The following NFKBIZ variants were observed in gnomAD, a reference collection of about 807,000 sequenced individuals.
NFKBIZ encodes the protein NF-kappa-B inhibitor zeta.
NFKBIZ carries 19 observed loss-of-function variants against 76.8 expected under a neutral mutation model. The ratio of observed to expected loss-of-function variants is 0.25; its 90% CI spans 0.17 to 0.36. The LOEUF (loss-of-function observed/expected upper bound fraction) is 0.36, where lower values mean the gene tolerates loss of function less well. Ranked by LOEUF, NFKBIZ falls within the 10% of genes least tolerant of loss-of-function variation. The probability of loss-of-function intolerance (pLI) is 1.00; values close to 1 mark genes in which losing one functional copy is unlikely to be tolerated. For synonymous variants in NFKBIZ, 368 were observed against 354.8 expected (o/e 1.04, Z -0.42); for missense variants, 829 against 910.9 (o/e 0.91, Z 1.16).
upstream of NFKBIZ, among the ~76,000 whole-genome samples, chr3:101,847,530 C>G (rs1228887580): frequency 6.6e-6 from 1 of 152,180 alleles, no homozygotes; most frequent in African/African-American, 2.4e-5. Flanking sequence ...AATGCACTTG[C>G]ACAAACCTAG....
At chr3:101,858,413 C>T (rs1576820324) in intron 11 of NFKBIZ, 2 of 985,002 alleles carry the variant, frequency 2.0e-6, no homozygotes, top group Non-Finnish European at 1.2e-6. Flanking sequence ...TTCCAAGGAC[C>T]AGAACCATCA....
chr3:101,853,654 G>A lies in NFKBIZ; in HGVS notation c.1128G>A (p.Met376Ile), dbSNP rs750183467. The change falls in exon 5 of 12, where the codon ATG (methionine) becomes ATA (isoleucine). Residue 376 changes from methionine to isoleucine, a missense_variant. Physicochemically the swap from Met to Ile is conservative, Grantham distance 10. This residue lies in a region of NFKBIZ where 371 missense variants were observed against 332.3 expected (regional missense o/e 1.12). Coordinates refer to ENST00000326172, the MANE Select transcript of NFKBIZ (RefSeq NM_031419.4). ...QNDAHLHSFS[M>I]MPSSACEAMV... ...ATGCTCACTTGCACAGCTTCAGCAT[G>A]ATGCCCAGCAGCGCCTGTGAGGCCA... The A allele has an allele frequency of 6.2e-7, 1 of 1,614,252 alleles. No homozygotes were observed. The highest frequency in any genetic ancestry group is 2.2e-5 in the East Asian group (1 of 44,890).
chr3:101,852,102 G>A lies in NFKBIZ; in HGVS notation c.307G>A (p.Val103Ile), dbSNP rs754907358. 2 of 1,614,206 alleles carry A rather than the reference G, an allele frequency of 1.2e-6. No individual in the cohort carries two copies. The highest frequency in any genetic ancestry group is 1.7e-5 in the Admixed American group (1 of 60,022). The change falls in exon 2 of 12, where the codon GTT becomes ATT. Residue 103 changes from valine (V) to isoleucine (I), a missense_variant. Val to Ile is a conservative substitution (Grantham distance 29, BLOSUM62 3). Coordinates refer to ENST00000326172, the MANE Select transcript of NFKBIZ (RefSeq NM_031419.4). ...TTGAACAGTTGAGCCCCATATGGGG[G>A]TTGGCAGGCAGCAGAGAGGCCCCTT... is the stretch of plus-strand genomic sequence containing the variant. ...ERQPVEPHMGVGRQQRGPFQG... is the reference protein window; with the variant it reads ...ERQPVEPHMGIGRQQRGPFQG...
intron 2 of NFKBIZ, among the ~76,000 whole-genome samples, chr3:101,840,294 G>T (rs114712026): frequency 1.3e-5 from 2 of 152,136 alleles, no homozygotes; most frequent in South Asian, 2.1e-4. Flanking sequence ...TCTATAGTGG[G>T]TAAAGTTCAT....
chr3:101,843,298 C>A (rs1423002267), intron 2 of NFKBIZ, among the ~76,000 whole-genome samples: 1 of 151,912 alleles, frequency 6.6e-6, no homozygotes, highest in East Asian at 1.9e-4. Flanking sequence ...AAAAAATTAG[C>A]CAGGCCTGGT....
intron 2 of NFKBIZ, among the ~76,000 whole-genome samples, chr3:101,830,127 C>T (rs1560080998): frequency 6.6e-6 from 1 of 152,072 alleles, no homozygotes; most frequent in Non-Finnish European, 1.5e-5. Context: ...CTTTCTGTTC[C>T]TTTAATTTGG....
chr3:101,831,803 A>G (rs1942651721), intron 2 of NFKBIZ, among the ~76,000 whole-genome samples: 1 of 151,662 alleles, frequency 6.6e-6, no homozygotes, highest in South Asian at 2.1e-4. Context: ...ACCACGCCCA[A>G]CTAATTTTTG....
chr3:101,847,022 T>G (rs1290448775), upstream of NFKBIZ, among the ~76,000 whole-genome samples: 1 of 152,256 alleles, frequency 6.6e-6, no homozygotes, highest in Non-Finnish European at 1.5e-5. Flanking sequence ...AGGATGGATG[T>G]CCCAGCTCAA....
chr3:101,848,936 A>C (rs1282571776), upstream of NFKBIZ: 1 of 152,252 alleles, frequency 6.6e-6, no homozygotes. Flanking sequence ...ATGTTTGAGA[A>C]GGGAGGCTAC....
At chr3:101,848,217 A>T (rs1942882043), upstream of NFKBIZ, among the ~76,000 whole-genome samples, 1 of 152,232 alleles carries the variant, frequency 6.6e-6, no homozygotes, top group African/African-American at 2.4e-5. Context: ...ATTAAATAAA[A>T]TTCCAGTGTC....
At chr3:101,835,535 CGAGGCCTCTCTCCT>C in intron 2 of NFKBIZ, among the ~76,000 whole-genome samples, 1 of 152,268 alleles carries the variant, frequency 6.6e-6, no homozygotes, top group East Asian at 1.9e-4. Flanking sequence ...TTGGTTTCTC[CGAGGCCTCTCTCCT>C]GACTTGTACA....
At chr3:101,843,985 A>G (rs1034287465) in intron 2 of NFKBIZ, among the ~76,000 whole-genome samples, 7 of 152,254 alleles carry the variant, frequency 4.6e-5, no homozygotes, top group African/African-American at 1.7e-4. Flanking sequence ...ATTATTGGCA[A>G]CAAATACTGT....
chr3:101,832,262 T>C (rs1188915369), intron 2 of NFKBIZ, among the ~76,000 whole-genome samples: 2 of 152,140 alleles, frequency 1.3e-5, no homozygotes. Context: ...GAAAGCTTTA[T>C]TGATTATATC....
chr3:101,847,671 A>G (rs1481735018), upstream of NFKBIZ, among the ~76,000 whole-genome samples: 1 of 152,232 alleles, frequency 6.6e-6, no homozygotes, highest in Admixed American at 6.5e-5. Flanking sequence ...CTATCTAAAC[A>G]TATGGAAACA....
intron 2 of NFKBIZ, among the ~76,000 whole-genome samples, chr3:101,837,478 T>G (rs764106188): frequency 4.9e-4 from 59 of 120,358 alleles, no homozygotes; most frequent in Non-Finnish European, 7.3e-4. Context: ...AGCAACAGAG[T>G]GAGATCCTGT....
At position 101,829,879 on chromosome 3, in the gene NFKBIZ, T is replaced by TTG. The variant is rs71132601; in HGVS notation, c.-12+212_-12+213dup. On this transcript the variant is annotated intron_variant, in intron 2 of 12. Coordinates refer to the NFKBIZ transcript ENST00000394054. ...GTGATTTCATGAGAACTAAGATTTT[T>TTG]TGTGTGTGTGTGTGTGTGTGTGGTT... Among the ~76,000 whole-genome samples the TTG allele has an allele frequency of 9.7e-3, 1,459 of 150,376 alleles. 43 individuals are homozygous for TTG. Among genetic ancestry groups the TTG allele is most frequent in the South Asian group, 0.093 (442 of 4,778 alleles).
chr3:101,835,999 C>T (rs148416311), intron 2 of NFKBIZ, among the ~76,000 whole-genome samples: 187 of 152,150 alleles, frequency 1.2e-3, no homozygotes, highest in African/African-American at 4.0e-3. Context: ...GGGACCATTT[C>T]GGAGAGGGAA....
At chr3:101,850,050 A>G (rs1942926440) in intron 1 of NFKBIZ, 133 bp downstream of exon 1, 1 of 902,708 alleles carries the variant, frequency 1.1e-6, no homozygotes, top group East Asian at 3.4e-5. Flanking sequence ...GCCATCAATT[A>G]CCACTCCCCG....
chr3:101,852,090 C>G lies in NFKBIZ; in HGVS notation c.295C>G (p.Pro99Ala). Residue 99 changes from proline to alanine, a missense_variant, in exon 2 of 12, where the codon CCC becomes GCC. Around this residue, in one of 4 missense-constraint regions of NFKBIZ, gnomAD observed 181 missense variants for 175.3 expected, o/e 1.03. Coordinates refer to ENST00000326172, the MANE Select transcript of NFKBIZ (RefSeq NM_031419.4). ...TTTTGTTTTCTTTTGAACAGTTGAG[C>G]CCCATATGGGGGTTGGCAGGCAGCA... ...GARAERQPVE[P>A]HMGVGRQQRG... 6.2e-7 allele frequency: 1 copy of G among 1,613,464 alleles called. No individual in the cohort carries two copies. The highest frequency in any genetic ancestry group is 8.5e-7 in the Non-Finnish European group (1 of 1,179,830).
Sources: allele counts gnomAD v4.1 joint callset (sites outside exome capture counted in the v4.1 genomes callset), GRCh38; gene constraint gnomAD v4.1.1; regional missense constraint gnomAD v4.1.1; transcripts MANE v1.5; gene names NCBI Gene and HGNC (gene_info 2026-07-23, HGNC 2026-07-21).